Variants in DIPK1B observed in about 807,000 individuals in gnomAD.
DIPK1B encodes divergent protein kinase domain 1B.
Under a neutral mutation model 20.7 loss-of-function variants are expected in DIPK1B, and 17 were observed. The observed-to-expected ratio is 0.82, with a 90% confidence interval of 0.56 to 1.23. The LOEUF (loss-of-function observed/expected upper bound fraction) is 1.23, where lower values mean the gene tolerates loss of function less well. Ranked by LOEUF, DIPK1B falls within the 50% of genes most tolerant of loss-of-function variation. DIPK1B has a pLI of 0.00. For synonymous variants in DIPK1B, 343 were observed against 276.5 expected (o/e 1.24, Z -2.39); for missense variants, 648 against 601.8 (o/e 1.08, Z -0.80).
chr9:136,717,833 C>T, intron 2 of DIPK1B, 122 bp downstream of exon 2: 1 of 1,456,500 alleles, frequency 6.9e-7, no homozygotes, highest in Non-Finnish European at 9.3e-7. Flanking sequence ...ACGTGGGTTT[C>T]TAGGTGGAAT....
chr9:136,721,224 C>T (rs1447182072), intron 2 of DIPK1B: 1 of 152,386 alleles, frequency 6.6e-6, no homozygotes, highest in Non-Finnish European at 1.5e-5. Context: ...TTCTGCCAGC[C>T]TGACCATCCA....
At position 136,722,261 on chromosome 9, in the gene DIPK1B, C is replaced by T. The variant is rs2131047824; in HGVS notation, c.443C>T (p.Ser148Phe). 1 of 1,613,836 alleles carries T rather than the reference C, an allele frequency of 6.2e-7. No individual in the cohort carries two copies. The highest frequency in any genetic ancestry group is 8.5e-7 in the Non-Finnish European group (1 of 1,179,964). Residue 148 changes from serine to phenylalanine, a missense_variant, in exon 4 of 5, where the codon TCC becomes TTC. Ser to Phe is a radical substitution (Grantham distance 155). Coordinates refer to ENST00000371692, the MANE Select transcript of DIPK1B (RefSeq NM_152421.4). ...VLFDKPTRGT[S>F]IKEFREMTLS... ...TTTGACAAGCCCACCCGGGGCACCT[C>T]CATCAAGGAATTCCGGGAGATGACC...
Position 136,717,583 on chromosome 9 carries a change from C to T in DIPK1B, c.70C>T (p.Leu24Phe), listed in dbSNP as rs745410008. 8.8e-6 allele frequency: 14 copies of T among 1,599,316 alleles called. No individual in the cohort carries two copies. In the Admixed American group the frequency reaches 2.2e-4, roughly 25 times the overall value. ...CPFSKRLQGR[L>F]PGLRVRCIFL... ...GCAGCCCCTTCCCCCACAGGGCCGGCTCCCAGGCCTCAGGGTCCGCTGCAT... is the reference window on the plus strand; with the variant it reads ...GCAGCCCCTTCCCCCACAGGGCCGGTTCCCAGGCCTCAGGGTCCGCTGCAT... The change falls in exon 2 of 5, where the codon CTC (leucine) becomes TTC (phenylalanine). Residue 24 changes from leucine (L) to phenylalanine (F), a missense_variant. Physicochemically the swap from Leu to Phe is conservative, Grantham distance 22. Coordinates refer to ENST00000371692, the MANE Select transcript of DIPK1B (RefSeq NM_152421.4).
chr9:136,720,238 CG>C (rs774581056), intron 2 of DIPK1B, among the ~76,000 whole-genome samples: 3 of 151,932 alleles, frequency 2.0e-5, no homozygotes, highest in Non-Finnish European at 4.4e-5. Context: ...GACGAAGAGC[CG>C]GCGTTTTCTT....
intron 1 of DIPK1B, among the ~76,000 whole-genome samples, chr9:136,716,487 C>T (rs977384005): frequency 6.6e-6 from 1 of 151,880 alleles, no homozygotes; most frequent in Admixed American, 6.6e-5. Context: ...AGGCTGGTCT[C>T]GAACTCCTGA....
chr9:136,716,434 A>C (rs549444030), intron 1 of DIPK1B, among the ~76,000 whole-genome samples: 19 of 151,190 alleles, frequency 1.3e-4, no homozygotes, highest in Non-Finnish European at 2.5e-4. Flanking sequence ...TGTCCAGCTA[A>C]TTTTTGTATT....
Position 136,724,254 on chromosome 9 carries a change from A to G in DIPK1B, c.*480A>G, listed in dbSNP as rs1041577555. On this transcript the variant is annotated 3_prime_UTR_variant, in exon 5 of 5. Transcript: ENST00000371692. Reference sequence around the variant, plus strand: ...TCTGAAGCCGCCAGGGCAGTTCCCCAAACACAGCGGCTTCTGAAACAGTCA... The same window carrying G: ...TCTGAAGCCGCCAGGGCAGTTCCCCGAACACAGCGGCTTCTGAAACAGTCA... Among the ~76,000 whole-genome samples the G allele has an allele frequency of 3.9e-5, 6 of 152,190 alleles. No individual in the cohort carries two copies. The highest frequency in any genetic ancestry group is 7.2e-5 in the African/African-American group (3 of 41,440).
intron 1 of DIPK1B, among the ~76,000 whole-genome samples, chr9:136,714,478 G>T (rs955106323): frequency 1.3e-5 from 2 of 152,132 alleles, no homozygotes; most frequent in African/African-American, 4.8e-5. Flanking sequence ...TCAGCCCTAG[G>T]CCCGAGGCCA....
rs1390512394 is a variant in DIPK1B, at chr9:136,722,122, C to T, written c.307-3C>T. The T allele has an allele frequency of 6.2e-7, 1 of 1,613,930 alleles. No individual in the cohort carries two copies. The highest frequency in any genetic ancestry group is 2.2e-5 in the East Asian group (1 of 44,882). On this transcript the variant is annotated splice_polypyrimidine_tract_variant and splice_region_variant and intron_variant, in intron 3 of 4. Coordinates refer to ENST00000371692, the MANE Select transcript of DIPK1B (RefSeq NM_152421.4). ...CACGGAGGACCTCTGTGGCCCTGTC[C>T]AGGTGTACAGCGGGCTCTGGCGGGA...
rs1846556074 is a variant in DIPK1B at position 136,719,477 on chromosome 9, A to G, written c.198+1766A>G. Among the ~76,000 whole-genome samples the G allele has an allele frequency of 2.6e-5, 4 of 152,190 alleles. No homozygotes were observed. In the South Asian group the frequency reaches 8.3e-4, roughly 31 times the overall value. The stretch of plus-strand genomic sequence containing the variant: ...GCGCAGAGGCTGGCCCAGCGCACAC[A>G]ACGAGGCAGCAGCAGTGCAGGGCCA... On this transcript the variant is annotated intron_variant, in intron 2 of 4. Transcript: ENST00000371692.
intron 2 of DIPK1B, among the ~76,000 whole-genome samples, chr9:136,718,026 C>T (rs1465303381): frequency 2.0e-5 from 3 of 152,038 alleles, no homozygotes; most frequent in African/African-American, 4.8e-5. Flanking sequence ...GGATGTTTAG[C>T]AGGAAGCCTG....
At chr9:136,719,673 C>T (rs1482821035) in intron 2 of DIPK1B, among the ~76,000 whole-genome samples, 1 of 152,246 alleles carries the variant, frequency 6.6e-6, no homozygotes, top group African/African-American at 2.4e-5. Flanking sequence ...CCTCTCCACA[C>T]TCTGCTAGGT....
intron 1 of DIPK1B, among the ~76,000 whole-genome samples, chr9:136,715,292 G>C (rs974141018): frequency 3.3e-5 from 5 of 152,186 alleles, no homozygotes; most frequent in African/African-American, 1.2e-4. Context: ...ATTTGCTAGG[G>C]GGCTGGGGAG....
intron 1 of DIPK1B, among the ~76,000 whole-genome samples, chr9:136,716,599 C>A (rs1268367327): frequency 6.6e-6 from 1 of 151,930 alleles, no homozygotes; most frequent in Non-Finnish European, 1.5e-5. Context: ...CGGGGTTTCC[C>A]TATGTTGCCC....
chr9:136,714,221 C>G (rs1846464945), intron 1 of DIPK1B, among the ~76,000 whole-genome samples: 1 of 152,166 alleles, frequency 6.6e-6, no homozygotes, highest in Non-Finnish European at 1.5e-5. Flanking sequence ...GCCTGTAATG[C>G]CAGGCCTTAA....
intron 4 of DIPK1B, 175 bp downstream of exon 4, chr9:136,722,476 TC>T: frequency 1.2e-6 from 1 of 812,976 alleles, no homozygotes; most frequent in Non-Finnish European, 1.9e-6. Context: ...AAGGAGCCTC[TC>T]CAGGGCTGGG....
intron 1 of DIPK1B, among the ~76,000 whole-genome samples, chr9:136,713,782 G>C (rs1366419516): frequency 6.6e-6 from 1 of 152,238 alleles, no homozygotes; most frequent in South Asian, 2.1e-4. Flanking sequence ...TGGCTGGCTC[G>C]GGGCCAGAGC....
chr9:136,716,813 T>C (rs1313599417), intron 1 of DIPK1B, among the ~76,000 whole-genome samples: 1 of 152,120 alleles, frequency 6.6e-6, no homozygotes, highest in East Asian at 1.9e-4. Flanking sequence ...CCCACCAATC[T>C]GCATTACGGT....
At chr9:136,713,490 C>T (rs1052309534) in intron 1 of DIPK1B, among the ~76,000 whole-genome samples, 1 of 152,230 alleles carries the variant, frequency 6.6e-6, no homozygotes, top group Non-Finnish European at 1.5e-5. Context: ...GCCTGGCTGG[C>T]CTCAGCTCCC....
Sources: allele counts gnomAD v4.1 joint callset (sites outside exome capture counted in the v4.1 genomes callset), GRCh38; gene constraint gnomAD v4.1.1; transcripts MANE v1.5; gene names NCBI Gene and HGNC (gene_info 2026-07-23, HGNC 2026-07-21).